Variants in ATAD2 observed in about 807,000 individuals in gnomAD.
ATAD2 encodes ATPase family AAA domain-containing protein 2.
ATAD2 carries 62 observed loss-of-function variants against 168.9 expected under a neutral mutation model. The observed-to-expected ratio is 0.37, with a 90% CI of 0.30 to 0.45. The LOEUF is 0.45. Ranked by LOEUF, ATAD2 falls within the 20% of genes least tolerant of loss-of-function variation. ATAD2 has a pLI of 1.00. For missense variants in ATAD2, 1,419 were observed against 1,667.8 expected (o/e 0.85, Z 2.60); for synonymous variants, 613 against 571.6 (o/e 1.07, Z -1.03).
intron 2 of ATAD2, among the ~76,000 whole-genome samples, chr8:123,377,489 T>C (rs1347016427): frequency 6.6e-6 from 1 of 152,160 alleles, no homozygotes; most frequent in Non-Finnish European, 1.5e-5. Flanking sequence ...CAACATTAAT[T>C]TTTTTGTATG....
At chr8:123,400,444 A>T, upstream of ATAD2, 1 of 355,482 alleles carries the variant, frequency 2.8e-6, no homozygotes, top group African/African-American at 2.1e-5. The surrounding 1 kb of genome is among the most constrained non-coding windows in gnomAD (Gnocchi z 4.5). Flanking sequence ...CTGAGGTGGG[A>T]GGATCGCTTG....
Position 123,346,751 on chromosome 8 carries a change from C to T in ATAD2, c.2213-1G>A. 6.3e-7 allele frequency: 1 copy of T among 1,576,054 alleles called. No individual in the cohort carries two copies. The highest frequency in any genetic ancestry group is 8.6e-7 in the Non-Finnish European group (1 of 1,168,226). Reference sequence around the variant, plus strand: ...CTTTCTAGCAGAGGACAAGAAATATCTATAAAACCAAAAAATTGTACATTA... The same window carrying T: ...CTTTCTAGCAGAGGACAAGAAATATTTATAAAACCAAAAAATTGTACATTA... On this transcript the variant is annotated splice_acceptor_variant, in intron 16 of 27. Transcript: ENST00000287394. LOFTEE classifies it high-confidence loss of function.
intron 9 of ATAD2, among the ~76,000 whole-genome samples, chr8:123,360,508 A>G (rs1328832532): frequency 1.3e-5 from 2 of 152,120 alleles, no homozygotes; most frequent in African/African-American, 2.4e-5. Context: ...ACATCTGGCT[A>G]ATTTTTGTAC....
At chr8:123,389,986 T>TATATATA (rs58743148) in intron 1 of ATAD2, among the ~76,000 whole-genome samples, 1,956 of 67,308 alleles carry the variant, frequency 0.029, 24 homozygotes, top group East Asian at 0.059. Context: ...ATATATATAT[T>TATATATA]TTTTTTTTTT....
intron 24 of ATAD2, among the ~76,000 whole-genome samples, 171 bp downstream of exon 24, chr8:123,333,707 G>T (rs1420446997): frequency 6.6e-6 from 1 of 152,012 alleles, no homozygotes; most frequent in African/African-American, 2.4e-5. Flanking sequence ...GGTTGCAAGT[G>T]GTACATTATA....
intron 1 of ATAD2, among the ~76,000 whole-genome samples, chr8:123,413,121 A>G (rs753302782): frequency 4.4e-4 from 67 of 152,192 alleles, no homozygotes; most frequent in Admixed American, 7.9e-4. Context: ...GTGGGAGGAT[A>G]GAATCCTAAC....
At chr8:123,367,002 A>G (rs1828998699) in intron 8 of ATAD2, among the ~76,000 whole-genome samples, 1 of 152,222 alleles carries the variant, frequency 6.6e-6, no homozygotes, top group Non-Finnish European at 1.5e-5. Context: ...AAAATAAAAT[A>G]AATAAAAAAC....
intron 1 of ATAD2, among the ~76,000 whole-genome samples, chr8:123,406,639 A>G (rs991522047): frequency 6.6e-6 from 1 of 151,908 alleles, no homozygotes; most frequent in African/African-American, 2.4e-5. Context: ...CAACATGGTG[A>G]AGCCCCATCT....
At position 123,370,934 on chromosome 8, in the gene ATAD2, T is replaced by C. The variant is rs749906103; in HGVS notation, c.696A>G (p.Glu232=). The C allele has an allele frequency of 5.0e-6, 8 of 1,607,840 alleles. No individual in the cohort carries two copies. The African/African-American group carries it at 9.4e-5, about 19-fold the overall frequency. The change falls in exon 6 of 28, where the codon GAA becomes GAG. Residue 232 remains glutamate (E), a synonymous_variant. Transcript: ENST00000287394. The part of the protein sequence containing the change: ...GKQKDIQRTD[E]ETTDNQEGSV... ...TGCCTTCTTGATTATCAGTTGTTTC[T>C]TCATCAGTTCTTTGAATATCTTTCT...
At chr8:123,377,504 T>G (rs1829355563) in intron 2 of ATAD2, among the ~76,000 whole-genome samples, 1 of 152,204 alleles carries the variant, frequency 6.6e-6, no homozygotes, top group African/African-American at 2.4e-5. Flanking sequence ...TGTATGACTA[T>G]GTAAACCAAA....
chr8:123,350,943 G>C lies in ATAD2; in HGVS notation c.1647-1499C>G, dbSNP rs1046207854. 4.6e-5 allele frequency among the ~76,000 whole-genome samples: 7 copies of C among 151,214 alleles called. No individual in the cohort carries two copies. In the South Asian group the frequency reaches 1.5e-3, roughly 31 times the overall value. On this transcript the variant is annotated intron_variant, in intron 13 of 27. Transcript: ENST00000287394. ...AGACGAGATTTCACCGTGTTAGCCA[G>C]GATGGTCTCCATCTTCTGACCTTGT...
chr8:123,331,233 G>A (rs1238050147), intron 24 of ATAD2, among the ~76,000 whole-genome samples: 3 of 151,988 alleles, frequency 2.0e-5, no homozygotes, highest in African/African-American at 4.8e-5. Flanking sequence ...GAGCCACTGC[G>A]CCTGGTATTC....
Position 123,346,179 on chromosome 8 carries a change from G to A in ATAD2, c.2439C>T (p.Val813=). ...FGQGSHLAPA[V]IHALEKFTVY... Reference sequence around the variant, plus strand: ...CAGTAAACTTTTCCAAAGCATGAATGACAGCTGGTGCCAAGTGAGAACCTT... The same window carrying A: ...CAGTAAACTTTTCCAAAGCATGAATAACAGCTGGTGCCAAGTGAGAACCTT... Residue 813 remains valine (V), a synonymous_variant, in exon 18 of 28, where the codon GTC becomes GTT. Transcript: ENST00000287394. The A allele has an allele frequency of 6.2e-7, 1 of 1,613,286 alleles. No individual in the cohort carries two copies.
chr8:123,404,353 A>C (rs78961962), intron 1 of ATAD2, among the ~76,000 whole-genome samples: 4,147 of 152,246 alleles, frequency 0.027, 209 homozygotes, highest in African/African-American at 0.094. Context: ...GAGGCAAGAA[A>C]TCCAAAATCA....
At chr8:123,373,889 T>C (rs546236692) in intron 2 of ATAD2, among the ~76,000 whole-genome samples, 15 of 152,112 alleles carry the variant, frequency 9.9e-5, no homozygotes, top group Admixed American at 5.9e-4. Flanking sequence ...CATCTGTTAA[T>C]CAACCTATGT....
intron 9 of ATAD2, 77 bp downstream of exon 9, chr8:123,361,462 C>T: frequency 8.2e-7 from 1 of 1,216,210 alleles, no homozygotes; most frequent in Non-Finnish European, 1.2e-6. Context: ...TATACTTATA[C>T]CCAAATTATT....
At chr8:123,388,535 G>A in intron 1 of ATAD2, among the ~76,000 whole-genome samples, 1 of 151,922 alleles carries the variant, frequency 6.6e-6, no homozygotes, top group Non-Finnish European at 1.5e-5. Context: ...TGGGACTAGA[G>A]GCAGGCACCA....
In ATAD2 at chr8:123,369,742, A is replaced by G. The variant is rs1829083359; in HGVS notation, c.931+79T>C. 8 of 1,237,486 alleles carry G rather than the reference A, an allele frequency of 6.5e-6. No homozygotes were observed. In the South Asian group the frequency reaches 8.6e-5, roughly 13 times the overall value. 76.7% of individuals were successfully genotyped at this position (1,237,486 alleles called of 1,614,324 possible). ...TGAAAATATGAAAAATACCAAAAAGACAAGAATAACAGAGAAGAAACAGGA... is the reference window on the plus strand; with the variant it reads ...TGAAAATATGAAAAATACCAAAAAGGCAAGAATAACAGAGAAGAAACAGGA... On this transcript the variant is annotated intron_variant, in intron 7 of 27. Transcript: ENST00000287394.
chr8:123,380,605 G>T lies in ATAD2; in HGVS notation c.244C>A (p.Gln82Lys). The change falls in exon 2 of 28, where the codon CAG becomes AAG. Residue 82 changes from glutamine (Q) to lysine (K), a missense_variant. Gln to Lys is a moderately conservative substitution (Grantham distance 53, BLOSUM62 1). Coordinates refer to ENST00000287394, the MANE Select transcript of ATAD2 (RefSeq NM_014109.4). Reference sequence around the variant, plus strand: ...TCAAAACTAGAATCTGAAGAATTCTGTGCATCTTTTCTCAAAGATCTTAAA... The same window carrying T: ...TCAAAACTAGAATCTGAAGAATTCTTTGCATCTTTTCTCAAAGATCTTAAA... ...RALRSLRKDA[Q>K]NSSDSSFEKN... is the part of the protein sequence containing the mutation. 15 of 1,613,924 alleles carry T rather than the reference G, an allele frequency of 9.3e-6. No homozygotes were observed. Among genetic ancestry groups the T allele is most frequent in the Non-Finnish European group, 1.2e-5 (14 of 1,179,920 alleles).
Sources: allele counts gnomAD v4.1 joint callset (sites outside exome capture counted in the v4.1 genomes callset), GRCh38; gene constraint gnomAD v4.1.1; non-coding constraint Gnocchi (gnomAD v3.1); transcripts MANE v1.5; gene names NCBI Gene and HGNC (gene_info 2026-07-23, HGNC 2026-07-21).